KLRG1: variants seen among roughly 807,000 people sequenced by gnomAD.
KLRG1 encodes the protein killer cell lectin like receptor G1.
KLRG1 carries 16 observed loss-of-function variants against 21.8 expected under a neutral mutation model. The observed-to-expected ratio is 0.73, with a 90% CI of 0.50 to 1.11. The LOEUF is 1.11. KLRG1 is among the 50% of genes most tolerant of loss of function. The probability of loss-of-function intolerance (pLI) is 0.00; values close to 1 mark genes in which losing one functional copy is unlikely to be tolerated. For missense variants in KLRG1, 173 were observed against 218.3 expected (o/e 0.79, Z 1.31); for synonymous variants, 69 against 75.9 (o/e 0.91, Z 0.47).
chr12:9,205,613 G>A, the KLRG1 span, among the ~76,000 whole-genome samples: 1 of 152,076 alleles, frequency 6.6e-6, no homozygotes, highest in South Asian at 2.1e-4. Context: ...ACTCTTCAAA[G>A]CTTTAATGAT....
chr12:9,154,944 G>A, the KLRG1 span: 1 of 1,123,112 alleles, frequency 8.9e-7, no homozygotes, highest in South Asian at 1.6e-5. Flanking sequence ...AAATAATACA[G>A]GAGAAGCAAG....
At chr12:9,203,218 T>G in the KLRG1 span, among the ~76,000 whole-genome samples, 2 of 152,170 alleles carry the variant, frequency 1.3e-5, no homozygotes, top group African/African-American at 2.4e-5. Flanking sequence ...GCAATAGGAT[T>G]ATTATTTAGG....
chr12:9,011,958 C>A (rs1947638012), downstream of KLRG1, among the ~76,000 whole-genome samples: 1 of 152,214 alleles, frequency 6.6e-6, no homozygotes, highest in Non-Finnish European at 1.5e-5. Context: ...TGGCCCATCC[C>A]AGTGGTCGGA....
the KLRG1 span, chr12:9,161,020 G>C: frequency 3.7e-5 from 58 of 1,550,800 alleles, no homozygotes; most frequent in East Asian, 1.2e-3. Context: ...TTACTAAATG[G>C]AAGGTGACTC....
At chr12:9,112,671 G>T in the KLRG1 span, 1,177 of 903,148 alleles carry the variant, frequency 1.3e-3, 8 homozygotes, top group African/African-American at 0.018. Context: ...GGGAAAGTTG[G>T]CATGGACAGG....
the KLRG1 span, chr12:9,181,159 C>G: frequency 6.2e-7 from 1 of 1,613,642 alleles, no homozygotes; most frequent in Admixed American, 1.7e-5. Context: ...AAACGTCAAC[C>G]AGTGTTTTCC....
chr12:9,126,564 A>G, the KLRG1 span, among the ~76,000 whole-genome samples: 1 of 152,214 alleles, frequency 6.6e-6, no homozygotes, highest in Admixed American at 6.5e-5. Context: ...AATTAAGAAT[A>G]CAGGGACTCC....
chr12:9,038,074 C>T, the KLRG1 span, among the ~76,000 whole-genome samples: 3 of 152,168 alleles, frequency 2.0e-5, no homozygotes, highest in Admixed American at 6.5e-5. Flanking sequence ...GCCTGGGCAG[C>T]ACAGTGGGAA....
At chr12:9,117,981 A>G in the KLRG1 span, among the ~76,000 whole-genome samples, 2 of 152,180 alleles carry the variant, frequency 1.3e-5, no homozygotes, top group African/African-American at 4.8e-5. Context: ...AGTGGCCAAT[A>G]TTAGACATAA....
chr12:9,027,688 T>G, the KLRG1 span: 6 of 1,061,602 alleles, frequency 5.7e-6, no homozygotes, highest in Non-Finnish European at 8.7e-6. Flanking sequence ...GAAAACTGAT[T>G]GTTGTAATTG....
At chr12:9,002,910 TACACACACACACAC>T (rs59706974) in intron 3 of KLRG1, among the ~76,000 whole-genome samples, 1 of 144,618 alleles carries the variant, frequency 6.9e-6, no homozygotes, top group Non-Finnish European at 1.5e-5. Flanking sequence ...CTCTTTCTAA[TACACACACACACAC>T]ACACACACAC....
chr12:9,059,926 C>T, the KLRG1 span, among the ~76,000 whole-genome samples: 1,073 of 151,710 alleles, frequency 7.1e-3, 5 homozygotes, highest in Non-Finnish European at 0.012. Context: ...GCAATCCATC[C>T]GCCTTGGCCT....
chr12:9,110,789 C>T, the KLRG1 span, among the ~76,000 whole-genome samples: 1 of 151,882 alleles, frequency 6.6e-6, no homozygotes, highest in Non-Finnish European at 1.5e-5. Flanking sequence ...AGAAATATTC[C>T]AGATTAAATT....
the KLRG1 span, chr12:9,115,871 A>T: frequency 6.3e-7 from 1 of 1,594,116 alleles, no homozygotes; most frequent in Non-Finnish European, 8.6e-7. Context: ...AAGGAGCTGG[A>T]GGAGAACAGA....
the KLRG1 span, among the ~76,000 whole-genome samples, chr12:9,125,235 G>A: frequency 6.6e-6 from 1 of 152,178 alleles, no homozygotes; most frequent in African/African-American, 2.4e-5. Context: ...TACCCACTGT[G>A]GGTCTCCTCT....
At chr12:9,109,092 C>T in the KLRG1 span, among the ~76,000 whole-genome samples, 1 of 151,984 alleles carries the variant, frequency 6.6e-6, no homozygotes, top group Non-Finnish European at 1.5e-5. Flanking sequence ...TTAGCATAAC[C>T]TCTCTAGAAA....
the KLRG1 span, chr12:9,168,864 T>C: frequency 6.2e-7 from 1 of 1,604,532 alleles, no homozygotes; most frequent in Non-Finnish European, 8.5e-7. Flanking sequence ...AAATTGCTGT[T>C]TTACCTCCAT....
At chr12:9,140,778 A>C in the KLRG1 span, among the ~76,000 whole-genome samples, 56 of 152,280 alleles carry the variant, frequency 3.7e-4, 2 homozygotes, top group African/African-American at 1.3e-3. Context: ...TACTTACCAC[A>C]GGTCAGAAAC....
chr12:9,189,063 T>A, the KLRG1 span, among the ~76,000 whole-genome samples: 1 of 152,138 alleles, frequency 6.6e-6, no homozygotes, highest in Admixed American at 6.5e-5. Flanking sequence ...ATGAAAATGG[T>A]CATATTGCCC....
Sources: gnomAD v4.1 joint callset for allele counts (sites outside exome capture counted in the v4.1 genomes callset) on GRCh38, gnomAD v4.1.1 for gene constraint, MANE v1.5 for transcripts, NCBI Gene and HGNC (gene_info 2026-07-23, HGNC 2026-07-21) for gene names.